FAM221A: variants seen among roughly 807,000 people sequenced by gnomAD.
FAM221A encodes protein FAM221A.
FAM221A carries 43 observed loss-of-function variants against 37.6 expected under a neutral mutation model. The ratio of observed to expected loss-of-function variants is 1.15; its 90% CI spans 0.90 to 1.48. The LOEUF is 1.48. FAM221A is among the 40% of genes most tolerant of loss of function. The probability of loss-of-function intolerance (pLI) is 0.00; values close to 1 mark genes in which losing one functional copy is unlikely to be tolerated. For synonymous variants in FAM221A, 135 were observed against 132.9 expected (o/e 1.02, Z -0.11); for missense variants, 361 against 361.5 (o/e 1.00, Z 0.01).
At chr7:23,695,531 C>T (rs890724663) in intron 4 of FAM221A, among the ~76,000 whole-genome samples, 4 of 152,134 alleles carry the variant, frequency 2.6e-5, no homozygotes, top group African/African-American at 7.2e-5. Flanking sequence ...TGCCACCATG[C>T]CTGGCTAATT....
intron 4 of FAM221A, chr7:23,693,530 T>C (rs1440801928): frequency 6.6e-6 from 1 of 152,002 alleles, no homozygotes; most frequent in Non-Finnish European, 1.5e-5. Flanking sequence ...ATATATTCTG[T>C]ATATTTTTTT....
In FAM221A at chr7:23,691,510, A is replaced by T. The variant is rs768478613; in HGVS notation, c.551A>T (p.Gln184Leu). 6.2e-7 allele frequency: 1 copy of T among 1,614,258 alleles called. No individual in the cohort carries two copies. Among genetic ancestry groups the T allele is most frequent in the South Asian group, 1.1e-5 (1 of 91,088 alleles). ...ERLAQEKPVG[Q>L]DIPYAAMGGL... ...TTGGCTCAGGAAAAACCAGTGGGAC[A>T]GGACATTCCTTATGCAGCCATGGGA... The change falls in exon 4 of 7, where the codon CAG becomes CTG. Residue 184 changes from glutamine to leucine, a missense_variant. By Grantham distance (113) the Gln-to-Leu change is moderately radical. Coordinates refer to ENST00000344962, the MANE Select transcript of FAM221A (RefSeq NM_199136.5).
At position 23,689,449 on chromosome 7, in the gene FAM221A, A is replaced by C; in HGVS notation, c.420A>C (p.Thr140=). The change falls in exon 3 of 7, where the codon ACA becomes ACC. Residue 140 remains threonine (T), a synonymous_variant. Coordinates refer to ENST00000344962, the MANE Select transcript of FAM221A (RefSeq NM_199136.5). ...AGCACAGTGCTGCGCCTGGCTTTAC[A>C]TGCAATACATGTGAGTTATATTATT... The part of the protein sequence containing the change: ...ADQHSAAPGF[T]CNTCSKCSGF... 1.3e-6 allele frequency: 2 copies of C among 1,557,890 alleles called. No homozygotes were observed. Among genetic ancestry groups the C allele is most frequent in the Non-Finnish European group, 1.8e-6 (2 of 1,137,948 alleles).
Position 23,700,714 on chromosome 7 carries a change from CTT to C in FAM221A, c.746-69_746-68del. 3.0e-6 allele frequency: 3 copies of C among 1,007,898 alleles called. No individual in the cohort carries two copies. In the South Asian group the frequency reaches 5.6e-5, roughly 19 times the overall value. The allele number at this position is 1,007,898 out of a possible 1,614,324, so 62.4% of individuals were successfully genotyped here. ...AACATTATCACCGAGCAGGAGAAAA[CTT>C]TTCTTTCTTTTATTTCAGGGGAATA... On this transcript the variant is annotated intron_variant, in intron 5 of 6. Coordinates refer to ENST00000344962, the MANE Select transcript of FAM221A (RefSeq NM_199136.5).
At chr7:23,696,378 C>T (rs530528072) in intron 4 of FAM221A, among the ~76,000 whole-genome samples, 6 of 152,160 alleles carry the variant, frequency 3.9e-5, no homozygotes, top group African/African-American at 1.2e-4. Context: ...GGCAACATGG[C>T]GAAACCCTGT....
chr7:23,698,882 A>G (rs1785224569), intron 5 of FAM221A, among the ~76,000 whole-genome samples: 1 of 152,182 alleles, frequency 6.6e-6, no homozygotes, highest in South Asian at 2.1e-4. Flanking sequence ...TTGCCTTAAA[A>G]CATACAACTT....
intron 4 of FAM221A, among the ~76,000 whole-genome samples, 189 bp downstream of exon 4, chr7:23,691,785 A>T (rs1189173534): frequency 6.6e-6 from 1 of 152,126 alleles, no homozygotes; most frequent in Non-Finnish European, 1.5e-5. Flanking sequence ...AGACCTATTT[A>T]GTATCCATAA....
chr7:23,701,987 T>G, intron 6 of FAM221A, 109 bp from the exon 7 acceptor site: 1 of 571,654 alleles, frequency 1.7e-6, no homozygotes, highest in South Asian at 3.8e-5. Context: ...TTTAGCAGCT[T>G]AATAACTGTG....
At chr7:23,682,520 C>A (rs34216588) in intron 1 of FAM221A, among the ~76,000 whole-genome samples, 4 of 150,224 alleles carry the variant, frequency 2.7e-5, no homozygotes, top group Admixed American at 2.0e-4. Flanking sequence ...TAACCTCTGC[C>A]TCCGTGGAAG....
Position 23,680,267 on chromosome 7 carries a change from T to G in FAM221A, c.49T>G (p.Tyr17Asp), listed in dbSNP as rs201983608. 6.5e-7 allele frequency: 1 copy of G among 1,547,538 alleles called. No individual in the cohort carries two copies. Among genetic ancestry groups the G allele is most frequent in the East Asian group, 2.5e-5 (1 of 40,628 alleles). The change falls in exon 1 of 7, where the codon TAC becomes GAC. Residue 17 changes from tyrosine (Y) to aspartate (D), a missense_variant. By Grantham distance (160) the Tyr-to-Asp change is radical. Transcript: ENST00000344962. ...PLGGAAAVDEYLEYRRIVGED... is the reference protein window; with the variant it reads ...PLGGAAAVDEDLEYRRIVGED... Reference sequence around the variant, plus strand: ...CGGCGGCGCGGCGGCGGTGGACGAGTACCTGGAGTACCGGAGGTGAGGCTG... The same window carrying G: ...CGGCGGCGCGGCGGCGGTGGACGAGGACCTGGAGTACCGGAGGTGAGGCTG...
At chr7:23,695,757 A>G (rs1156844331) in intron 4 of FAM221A, among the ~76,000 whole-genome samples, 1 of 152,226 alleles carries the variant, frequency 6.6e-6, no homozygotes, top group Admixed American at 6.5e-5. Context: ...ATAAAAAAGC[A>G]AAAGTGTTTC....
intron 2 of FAM221A, chr7:23,687,607 A>C (rs533978948): frequency 6.6e-6 from 1 of 151,430 alleles, no homozygotes; most frequent in Non-Finnish European, 1.5e-5. Flanking sequence ...GTTTCTTGAA[A>C]CATTATTAAA....
chr7:23,691,402 C>T lies in FAM221A; in HGVS notation c.443C>T (p.Ser148Leu), dbSNP rs1784734592. The T allele has an allele frequency of 6.2e-7, 1 of 1,614,030 alleles. No individual in the cohort carries two copies. Among genetic ancestry groups the T allele is most frequent in the East Asian group, 2.2e-5 (1 of 44,878 alleles). Residue 148 changes from serine (S) to leucine (L), a missense_variant, in exon 4 of 7, where the codon TCA becomes TTA. Transcript: ENST00000344962. ...GFTCNTCSKC[S>L]GFHSCFTCAC... ...CATCTTGATTCAGGTTCCAAGTGTT[C>T]AGGATTCCATAGCTGCTTCACTTGT...
At chr7:23,692,284 C>A in intron 4 of FAM221A, 1 of 687,320 alleles carries the variant, frequency 1.5e-6, no homozygotes, top group Non-Finnish European at 1.8e-6. Context: ...TTTTTTACAA[C>A]AAGCATGTAT....
chr7:23,687,854 AGGT>A (rs1237092872), intron 2 of FAM221A: 3 of 151,868 alleles, frequency 2.0e-5, no homozygotes, highest in African/African-American at 7.3e-5. Context: ...CATGTTGCCC[AGGT>A]TGGTCTTGAA....
chr7:23,703,119 TC>T (rs1216219042), downstream of FAM221A: 1 of 152,228 alleles, frequency 6.6e-6, no homozygotes, highest in East Asian at 1.9e-4. Flanking sequence ...ATCGTTGAGC[TC>T]CAGTCACCCA....
downstream of FAM221A, chr7:23,703,109 A>G (rs1785548814): frequency 6.6e-6 from 1 of 152,214 alleles, no homozygotes; most frequent in African/African-American, 2.4e-5. Flanking sequence ...AGAAAGTCCT[A>G]TCGTTGAGCT....
intron 5 of FAM221A, among the ~76,000 whole-genome samples, chr7:23,700,276 GT>G (rs1785338511): frequency 6.6e-6 from 1 of 152,166 alleles, no homozygotes; most frequent in South Asian, 2.1e-4. Context: ...AAAACCAGAT[GT>G]TTTCCTACTG....
chr7:23,681,647 A>G (rs929376334), intron 1 of FAM221A, among the ~76,000 whole-genome samples: 2 of 152,174 alleles, frequency 1.3e-5, no homozygotes, highest in East Asian at 3.9e-4. Context: ...GACTCAAGCT[A>G]TCCACCTGCC....
Sources: allele counts gnomAD v4.1 joint callset (sites outside exome capture counted in the v4.1 genomes callset), GRCh38; gene constraint gnomAD v4.1.1; transcripts MANE v1.5; gene names NCBI Gene and HGNC (gene_info 2026-07-23, HGNC 2026-07-21).